The following KCNQ5 variants were observed in gnomAD, a reference collection of about 807,000 sequenced individuals.
KCNQ5 encodes the protein potassium voltage-gated channel subfamily Q member 5, also known as potassium voltage-gated channel subfamily KQT member 5.
In KCNQ5, 30 loss-of-function variants were observed where a neutral mutation model predicts 98.2. The observed-to-expected ratio is 0.31, with a 90% CI of 0.23 to 0.41. The LOEUF (loss-of-function observed/expected upper bound fraction) is 0.41. KCNQ5 is among the 10% of genes least tolerant of loss of function. The pLI is 1.00. For missense variants in KCNQ5, 835 were observed against 1,182.5 expected, an observed-to-expected ratio of 0.71 and a Z score of 4.31; for synonymous variants, 458 against 449.4, an observed-to-expected ratio of 1.02 and a Z score of -0.24.
intron 1 of KCNQ5, among the ~76,000 whole-genome samples, chr6:72,837,111 C>T (rs899007489): frequency 6.6e-6 from 1 of 152,180 alleles, no homozygotes; most frequent in African/African-American, 2.4e-5. Context: ...TTAGCACCTC[C>T]TGGAGACCAC....
In KCNQ5 at chr6:73,094,878, A is replaced by G. The variant is rs566307014; in HGVS notation, c.919-10379A>G. ...ATTCTTTCCTTTGTCTTAACTTTAGATTACCTGATGACAATGTGCCTAGGT... is the reference window on the plus strand; with the variant it reads ...ATTCTTTCCTTTGTCTTAACTTTAGGTTACCTGATGACAATGTGCCTAGGT... On this transcript the variant is annotated intron_variant, in intron 5 of 13. Coordinates refer to ENST00000370398, the MANE Select transcript of KCNQ5 (RefSeq NM_019842.4). 9.2e-5 allele frequency among the ~76,000 whole-genome samples: 14 copies of G among 152,292 alleles called. 1 individual carries two copies. The South Asian group carries it at 1.5e-3, about 16-fold the overall frequency.
intron 10 of KCNQ5, among the ~76,000 whole-genome samples, chr6:73,158,758 T>A: frequency 6.6e-6 from 1 of 152,198 alleles, no homozygotes; most frequent in East Asian, 1.9e-4. Flanking sequence ...TACTTTTCTT[T>A]TCACATACTA....
intron 6 of KCNQ5, among the ~76,000 whole-genome samples, chr6:73,106,555 T>C (rs1446120603): frequency 1.3e-5 from 2 of 152,234 alleles, no homozygotes; most frequent in Non-Finnish European, 2.9e-5. Context: ...TCTTGGCTTA[T>C]AGATGGCTCT....
At chr6:72,646,882 A>G (rs10943047) in intron 1 of KCNQ5, among the ~76,000 whole-genome samples, 7,373 of 152,252 alleles carry the variant, frequency 0.048, 565 homozygotes, top group African/African-American at 0.17. Flanking sequence ...TACTAACCCT[A>G]TAAAACTCTC....
At chr6:72,629,970 A>G (rs1186242036) in intron 1 of KCNQ5, among the ~76,000 whole-genome samples, 2 of 152,076 alleles carry the variant, frequency 1.3e-5, no homozygotes, top group African/African-American at 4.8e-5. Flanking sequence ...CCCAAATGTT[A>G]TTAAAGTCAT....
At chr6:73,124,947 A>AC (rs1459212100) in intron 9 of KCNQ5, among the ~76,000 whole-genome samples, 2 of 7,688 alleles carry the variant, frequency 2.6e-4, no homozygotes, top group African/African-American at 1.1e-3. Context: ...ATATATATAT[A>AC]TATATATATA....
chr6:72,969,466 A>G (rs957403776), intron 1 of KCNQ5, among the ~76,000 whole-genome samples: 4 of 152,166 alleles, frequency 2.6e-5, no homozygotes, highest in Non-Finnish European at 5.9e-5. Context: ...TGTCTCAGTC[A>G]TTAGTTAGTG....
In KCNQ5 at chr6:73,082,761, A is replaced by C. The variant is rs1773831372; in HGVS notation, c.918+4874A>C. Among the ~76,000 whole-genome samples the C allele has an allele frequency of 2.0e-5, 3 of 152,176 alleles. No individual in the cohort carries two copies. In the South Asian group the frequency reaches 6.2e-4, roughly 32 times the overall value. On this transcript the variant is annotated intron_variant, in intron 5 of 13. Transcript: ENST00000370398. ...TCTTCACTGACTGGCCAGATTAACC[A>C]ACACTCCTCACTCCCACAAAACATA...
At chr6:73,158,256 T>TTTTTTTTTGTTG (rs1562211950) in intron 10 of KCNQ5, 336 of 15,140 alleles carry the variant, frequency 0.022, 3 homozygotes, top group African/African-American at 0.039. Flanking sequence ...TTTGGAAGAT[T>TTTTTTTTTGTTG]TTTTTTTTTT....
At chr6:72,949,599 A>G (rs779087276) in intron 1 of KCNQ5, among the ~76,000 whole-genome samples, 3 of 152,242 alleles carry the variant, frequency 2.0e-5, no homozygotes, top group Non-Finnish European at 4.4e-5. Flanking sequence ...AAACATTTTC[A>G]TATTACATGC....
At chr6:72,814,280 A>G (rs560323913) in intron 1 of KCNQ5, among the ~76,000 whole-genome samples, 3 of 152,258 alleles carry the variant, frequency 2.0e-5, no homozygotes, top group Admixed American at 2.0e-4. Flanking sequence ...GTGCAATGTA[A>G]TGGCTCACTA....
chr6:73,182,532 C>T (rs905495727), intron 11 of KCNQ5, among the ~76,000 whole-genome samples: 10 of 152,196 alleles, frequency 6.6e-5, no homozygotes, highest in Non-Finnish European at 1.2e-4. Context: ...CCTCCACCCC[C>T]TCATCCTGTA....
intron 1 of KCNQ5, among the ~76,000 whole-genome samples, chr6:72,704,155 A>G (rs1228561127): frequency 6.6e-6 from 1 of 152,212 alleles, no homozygotes; most frequent in Admixed American, 6.5e-5. Flanking sequence ...TTTTATTATC[A>G]AAAATCAGGC....
chr6:72,930,213 A>G (rs1199280004), intron 1 of KCNQ5, among the ~76,000 whole-genome samples: 1 of 139,202 alleles, frequency 7.2e-6, no homozygotes. Context: ...TATTTGCCAC[A>G]TTGTTAATTC....
At position 73,067,572 on chromosome 6, in the gene KCNQ5, G is replaced by A. The variant is rs150984581; in HGVS notation, c.617-9750G>A. Among the ~76,000 whole-genome samples the A allele has an allele frequency of 4.3e-4, 66 of 152,182 alleles. No homozygotes were observed. The East Asian group carries it at 0.012, about 28-fold the overall frequency. ...AAAGGACAGAACTAGAAATACCTGGGCTGTTGCACATGAAGTTTATACTCA... is the reference window on the plus strand; with the variant it reads ...AAAGGACAGAACTAGAAATACCTGGACTGTTGCACATGAAGTTTATACTCA... On this transcript the variant is annotated intron_variant, in intron 3 of 13. Transcript: ENST00000370398.
At chr6:72,689,007 G>C (rs1768083410) in intron 1 of KCNQ5, among the ~76,000 whole-genome samples, 1 of 152,142 alleles carries the variant, frequency 6.6e-6, no homozygotes, top group Admixed American at 6.5e-5. Context: ...AATAATTAAA[G>C]AGTTTTGACT....
chr6:72,872,725 A>T (rs1325558013), intron 1 of KCNQ5, among the ~76,000 whole-genome samples: 1 of 152,024 alleles, frequency 6.6e-6, no homozygotes, highest in Non-Finnish European at 1.5e-5. Flanking sequence ...CATTTCGCGA[A>T]TTGTACAAAA....
At chr6:72,655,433 A>G (rs1384310985) in intron 1 of KCNQ5, among the ~76,000 whole-genome samples, 1 of 152,148 alleles carries the variant, frequency 6.6e-6, no homozygotes, top group Non-Finnish European at 1.5e-5. Flanking sequence ...CCAAATGGCT[A>G]TGAAGATTCC....
At chr6:72,710,122 T>C (rs1205212695) in intron 1 of KCNQ5, among the ~76,000 whole-genome samples, 1 of 152,172 alleles carries the variant, frequency 6.6e-6, no homozygotes, top group Non-Finnish European at 1.5e-5. Flanking sequence ...AAACAGTGCT[T>C]GTTATTACAA....
Sources: gnomAD v4.1 joint callset for allele counts (sites outside exome capture counted in the v4.1 genomes callset) on GRCh38, gnomAD v4.1.1 for gene constraint, MANE v1.5 for transcripts, NCBI Gene and HGNC (gene_info 2026-07-23, HGNC 2026-07-21) for gene names.